Variants in PRRC2C observed in about 807,000 individuals in gnomAD.
PRRC2C encodes protein PRRC2C.
In PRRC2C, 72 loss-of-function variants were observed where a neutral mutation model predicts 317.2. That is an observed-to-expected ratio of 0.23 (90% confidence interval 0.19 to 0.28). The LOEUF is 0.28. Ranked by LOEUF, PRRC2C falls within the 10% of genes least tolerant of loss-of-function variation. The probability of loss-of-function intolerance (pLI) is 1.00; values close to 1 mark genes in which losing one functional copy is unlikely to be tolerated. For missense variants in PRRC2C, 3,074 were observed against 3,459.7 expected (o/e 0.89, Z 2.80); for synonymous variants, 1,296 against 1,205.9 (o/e 1.07, Z -1.55).
chr1:171,532,910 A>G lies in PRRC2C; in HGVS notation c.1822A>G (p.Asn608Asp), dbSNP rs1676131770. Residue 608 changes from asparagine to aspartate, a missense_variant, in exon 12 of 35, where the codon AAT becomes GAT. Asn to Asp is a conservative substitution (Grantham distance 23, BLOSUM62 1). Transcript: ENST00000647382. ...LEEKIEPREP[N>D]LEPMVEKQES... ...GGAGAAAATTGAACCCAGAGAACCT[A>G]ATTTAGAGCCCATGGTAGAAAAACA... 6.4e-7 allele frequency: 1 copy of G among 1,573,670 alleles called. No individual in the cohort carries two copies. The highest frequency in any genetic ancestry group is 2.2e-5 in the East Asian group (1 of 44,500).
rs1676658871 is a variant in PRRC2C, at chr1:171,535,515, G to A, written c.1961G>A (p.Gly654Glu). ...GTGCATGAAACAGAACCAGAATCAG[G>A]GTCTCAACCTCGGCCGGCTGTATTA... ...PVVHETEPES[G>E]SQPRPAVLSG... is the part of the protein sequence containing the mutation. Residue 654 changes from glycine (G) to glutamate (E), a missense_variant, in exon 13 of 35, where the codon GGG (glycine) becomes GAG (glutamate). By Grantham distance (98) the Gly-to-Glu change is moderately conservative. Around this residue, in one of 11 missense-constraint regions of PRRC2C, gnomAD observed 1,320 missense variants for 1,395.7 expected, o/e 0.95. Transcript: ENST00000647382. The A allele has an allele frequency of 6.2e-7, 1 of 1,613,878 alleles. No individual in the cohort carries two copies. The highest frequency in any genetic ancestry group is 1.1e-5 in the South Asian group (1 of 91,080).
intron 1 of PRRC2C, among the ~76,000 whole-genome samples, chr1:171,495,938 C>T (rs58683874): frequency 6.6e-6 from 1 of 152,122 alleles, no homozygotes; most frequent in Non-Finnish European, 1.5e-5. Flanking sequence ...GGTGAGGGCT[C>T]TTCCTAGCTT....
chr1:171,496,770 G>T (rs1668174039), intron 1 of PRRC2C, among the ~76,000 whole-genome samples: 1 of 102,702 alleles, frequency 9.7e-6, no homozygotes, highest in Admixed American at 1.2e-4. Flanking sequence ...CGATACATTT[G>T]GGGCGTGTGT....
chr1:171,562,382 G>C (rs10753138), intron 20 of PRRC2C, among the ~76,000 whole-genome samples: 77,010 of 151,988 alleles, frequency 0.51, 19,584 homozygotes, highest in East Asian at 0.6. Flanking sequence ...GACACTGAAG[G>C]GTTTTGAGCA....
intron 18 of PRRC2C, among the ~76,000 whole-genome samples, chr1:171,554,706 C>T (rs1571974713): frequency 6.6e-6 from 1 of 152,158 alleles, no homozygotes; most frequent in South Asian, 2.1e-4. Context: ...GATTTTATTT[C>T]TCCTTCACTT....
chr1:171,570,727 A>G (rs1684646504), intron 23 of PRRC2C, among the ~76,000 whole-genome samples: 1 of 147,640 alleles, frequency 6.8e-6, no homozygotes. Flanking sequence ...CTAACAGTCC[A>G]TACTTTCTTC....
chr1:171,508,973 G>A (rs1023228695), intron 1 of PRRC2C, among the ~76,000 whole-genome samples: 3 of 151,882 alleles, frequency 2.0e-5, no homozygotes, highest in Admixed American at 6.6e-5. Flanking sequence ...CGCAAGCTCC[G>A]CCTTCCAGGT....
chr1:171,490,120 ATGT>A (rs1666849169), intron 1 of PRRC2C, among the ~76,000 whole-genome samples: 1 of 152,084 alleles, frequency 6.6e-6, no homozygotes. Context: ...GGGTTTCACC[ATGT>A]TGTCAGACTG....
chr1:171,591,886 G>GGCCCC lies in PRRC2C; in HGVS notation c.*39_*40insGCCCC. The GGCCCC allele has an allele frequency of 2.1e-6, 1 of 475,632 alleles. No individual in the cohort carries two copies. The highest frequency in any genetic ancestry group is 3.7e-6 in the Non-Finnish European group (1 of 266,836). 29.5% of individuals were successfully genotyped at this position (475,632 alleles called of 1,614,324 possible). Reference sequence around the variant, plus strand: ...TTGCAGGGGATTGGGAGGGGGGCGGGAAAACATGGAGAATTAAGTCAGATA... The same window carrying GGCCCC: ...TTGCAGGGGATTGGGAGGGGGGCGGGGCCCCAAAACATGGAGAATTAAGTCAGATA... On this transcript the variant is annotated 3_prime_UTR_variant, in exon 35 of 35. Transcript: ENST00000647382.
intron 1 of PRRC2C, among the ~76,000 whole-genome samples, chr1:171,505,325 G>T (rs1487428899): frequency 6.6e-6 from 1 of 152,132 alleles, no homozygotes; most frequent in African/African-American, 2.4e-5. Context: ...ACCGTGTCCG[G>T]CTGTATTTCA....
At chr1:171,591,315 A>C in intron 34 of PRRC2C, 1 of 834,702 alleles carries the variant, frequency 1.2e-6, no homozygotes, top group African/African-American at 1.8e-5. Context: ...CAGGTTCCCT[A>C]AATAAAATTT....
At chr1:171,539,791 C>T (rs1557949300) in intron 15 of PRRC2C, among the ~76,000 whole-genome samples, 180 bp from the exon 16 acceptor site, 1 of 152,158 alleles carries the variant, frequency 6.6e-6, no homozygotes, top group Non-Finnish European at 1.5e-5. Context: ...GATATTTAGG[C>T]TGTTTCCACC....
At chr1:171,511,604 C>T (rs1487312228) in intron 1 of PRRC2C, 1 of 152,402 alleles carries the variant, frequency 6.6e-6, no homozygotes, top group Non-Finnish European at 1.5e-5. Context: ...TTGTTGGGCA[C>T]ATACTGCCTG....
intron 1 of PRRC2C, among the ~76,000 whole-genome samples, chr1:171,494,477 T>C (rs1187228066): frequency 6.6e-6 from 1 of 152,198 alleles, no homozygotes; most frequent in African/African-American, 2.4e-5. Flanking sequence ...TCTTAAAATA[T>C]TTGACCTTAG....
intron 4 of PRRC2C, 88 bp from the exon 5 acceptor site, chr1:171,515,646 A>G (rs1672220883): frequency 2.7e-6 from 3 of 1,103,854 alleles, no homozygotes; most frequent in Admixed American, 3.0e-5. Context: ...TTTAAGAGAA[A>G]GAGGCAGAGA....
chr1:171,588,465 T>G lies in PRRC2C; in HGVS notation c.8159T>G (p.Val2720Gly). The G allele has an allele frequency of 6.2e-7, 1 of 1,613,914 alleles. No homozygotes were observed. The change falls in exon 33 of 35, where the codon GTG becomes GGG. Residue 2720 changes from valine (V) to glycine (G), a missense_variant. Physicochemically the swap from Val to Gly is moderately radical, Grantham distance 109. Coordinates refer to ENST00000647382, the MANE Select transcript of PRRC2C (RefSeq NM_001387844.1). ...CAGTTCCAGTCAGCCCCTGCCACTG[T>G]GAGAATGACACAACCATTTCCTACA... ...QKQFQSAPAT[V>G]RMTQPFPTQF...
intron 30 of PRRC2C, 69 bp from the exon 31 acceptor site, chr1:171,586,934 A>T: frequency 1.7e-6 from 2 of 1,154,324 alleles, no homozygotes; most frequent in East Asian, 2.6e-5. Context: ...AGAGTTGTGT[A>T]TAGTTGTATG....
intron 3 of PRRC2C, among the ~76,000 whole-genome samples, chr1:171,513,961 A>G (rs1671849106): frequency 6.6e-6 from 1 of 152,194 alleles, no homozygotes; most frequent in Non-Finnish European, 1.5e-5. Flanking sequence ...GAGCCTCTTA[A>G]CTACTTTCTT....
At position 171,544,273 on chromosome 1, in the gene PRRC2C, A is replaced by T. The variant is rs541181710; in HGVS notation, c.4764-1206A>T. On this transcript the variant is annotated intron_variant, in intron 16 of 34. Transcript: ENST00000647382. ...CTAGTAGCTGGGATTACAGGCGTAC[A>T]CTACCATGCCCGGCTAATTTTTGTA... Among the ~76,000 whole-genome samples the T allele has an allele frequency of 2.6e-5, 4 of 152,146 alleles. No individual in the cohort carries two copies. The East Asian group carries it at 7.8e-4, about 29-fold the overall frequency.
Sources: gnomAD v4.1 joint callset for allele counts (sites outside exome capture counted in the v4.1 genomes callset) on GRCh38, gnomAD v4.1.1 for gene constraint, gnomAD v4.1.1 regional missense constraint, MANE v1.5 for transcripts, NCBI Gene and HGNC (gene_info 2026-07-23, HGNC 2026-07-21) for gene names.